CLSTN1: variants seen among roughly 807,000 people sequenced by gnomAD.
The protein encoded by CLSTN1 is calsyntenin 1.
Under a neutral mutation model 108.3 loss-of-function variants are expected in CLSTN1, and 28 were observed. That is an observed-to-expected ratio of 0.26 (90% confidence interval 0.19 to 0.35). The LOEUF (loss-of-function observed/expected upper bound fraction) is 0.35, where lower values mean the gene tolerates loss of function less well. CLSTN1 is among the 10% of genes least tolerant of loss of function. The probability of loss-of-function intolerance (pLI) is 1.00; values close to 1 mark genes in which losing one functional copy is unlikely to be tolerated. For synonymous variants in CLSTN1, 524 were observed against 534.9 expected, an observed-to-expected ratio of 0.98 and a Z score of 0.28; for missense variants, 1,157 against 1,302.6, an observed-to-expected ratio of 0.89 and a Z score of 1.72.
chr1:9,771,374 G>GTAATTACAGCACTTAAGCCT (rs1652665200), intron 2 of CLSTN1, among the ~76,000 whole-genome samples: 1 of 152,140 alleles, frequency 6.6e-6, no homozygotes, highest in Non-Finnish European at 1.5e-5. Flanking sequence ...CCAGCACTTT[G>GTAATTACAGCACTTAAGCCT]GGAGGCCAAG....
chr1:9,766,716 C>CA (rs1188299449), intron 2 of CLSTN1, among the ~76,000 whole-genome samples: 2 of 152,184 alleles, frequency 1.3e-5, no homozygotes, highest in Non-Finnish European at 2.9e-5. Context: ...CATGACTACT[C>CA]AGGCTTTCAG....
chr1:9,735,772 T>C (rs567681027), intron 12 of CLSTN1, 113 bp downstream of exon 12: 3 of 1,505,692 alleles, frequency 2.0e-6, no homozygotes, highest in East Asian at 4.5e-5. Context: ...ACAACTCTTT[T>C]ACCCAACAGT....
intron 1 of CLSTN1, among the ~76,000 whole-genome samples, chr1:9,792,326 G>A (rs1653806693): frequency 6.6e-6 from 1 of 151,444 alleles, no homozygotes; most frequent in African/African-American, 2.4e-5. Context: ...CATATGCCAT[G>A]GCTGGCAGTC....
intron 10 of CLSTN1, among the ~76,000 whole-genome samples, chr1:9,739,635 G>C (rs544523075): frequency 7.5e-4 from 114 of 152,046 alleles, no homozygotes; most frequent in African/African-American, 2.7e-3. Flanking sequence ...CTTGAGCCCA[G>C]GAGTTTGAGA....
rs749460579 is a variant in CLSTN1, at chr1:9,737,509, A to G, written c.1565T>C (p.Val522Ala). Residue 522 changes from valine (V) to alanine (A), a missense_variant, in exon 11 of 19, where the codon GTG becomes GCG. Coordinates refer to ENST00000377298, the MANE Select transcript of CLSTN1 (RefSeq NM_001009566.3). The stretch of plus-strand genomic sequence containing the variant: ...AAAAATCCAGCAACCTGCAGAGGCC[A>G]CAGTCACAGGCTCAGTTTCATTGTC... ...ENDNETEPVT[V>A]ASAGGDLHMT... 6.2e-7 allele frequency: 1 copy of G among 1,614,018 alleles called. No individual in the cohort carries two copies. The highest frequency in any genetic ancestry group is 1.1e-5 in the South Asian group (1 of 91,080).
intron 1 of CLSTN1, among the ~76,000 whole-genome samples, chr1:9,792,842 CT>C (rs1172123574): frequency 1.2e-4 from 18 of 151,268 alleles, no homozygotes; most frequent in Non-Finnish European, 2.5e-4. Flanking sequence ...TCAGGAGCAG[CT>C]GTTCATGTGT....
chr1:9,797,319 T>A (rs1029383584), intron 1 of CLSTN1, among the ~76,000 whole-genome samples: 4 of 150,228 alleles, frequency 2.7e-5, no homozygotes, highest in Non-Finnish European at 1.5e-5. Context: ...GAAGGGGAAG[T>A]GGGGGAGGGA....
rs367716541 is a variant in CLSTN1, at chr1:9,734,908, G to A, written c.2110+40C>T. On this transcript the variant is annotated intron_variant, in intron 14 of 18. Coordinates refer to ENST00000377298, the MANE Select transcript of CLSTN1 (RefSeq NM_001009566.3). The surrounding 1 kb of genome is among the most constrained non-coding windows in gnomAD (Gnocchi z 4.8). Reference sequence around the variant, plus strand: ...AGTACATGGGGACAATGGGGTTTCCGGCCGAGGCGAGGGAGCCCGCGCCCC... The same window carrying A: ...AGTACATGGGGACAATGGGGTTTCCAGCCGAGGCGAGGGAGCCCGCGCCCC... 15 of 1,560,678 alleles carry A rather than the reference G, an allele frequency of 9.6e-6. No homozygotes were observed. In the South Asian group the frequency reaches 1.2e-4, roughly 13 times the overall value.
At chr1:9,797,987 G>A (rs1284089686) in intron 1 of CLSTN1, among the ~76,000 whole-genome samples, 1 of 151,684 alleles carries the variant, frequency 6.6e-6, no homozygotes, top group Non-Finnish European at 1.5e-5. Flanking sequence ...CCAGCTACTC[G>A]GGAGGCTGAG....
chr1:9,766,834 C>T (rs976497575), intron 2 of CLSTN1, among the ~76,000 whole-genome samples: 7 of 152,180 alleles, frequency 4.6e-5, no homozygotes, highest in South Asian at 2.1e-4. Flanking sequence ...GGAAACAATC[C>T]GGGCGAGACT....
chr1:9,815,618 C>A (rs1285583499), intron 1 of CLSTN1, among the ~76,000 whole-genome samples: 1 of 152,148 alleles, frequency 6.6e-6, no homozygotes, highest in East Asian at 1.9e-4. Flanking sequence ...CCACTTTGTA[C>A]AACCAACTGG....
At chr1:9,788,622 C>T (rs1329586405) in intron 1 of CLSTN1, among the ~76,000 whole-genome samples, 2 of 150,896 alleles carry the variant, frequency 1.3e-5, no homozygotes, top group Non-Finnish European at 2.9e-5. Flanking sequence ...AATCCCAGCA[C>T]TTTGGGAGGC....
At chr1:9,796,295 C>CAA (rs1326877388) in intron 1 of CLSTN1, among the ~76,000 whole-genome samples, 13 of 121,954 alleles carry the variant, frequency 1.1e-4, no homozygotes, top group Admixed American at 1.7e-4. Context: ...CAAAACAAAA[C>CAA]AAAAAAAAAA....
Position 9,749,854 on chromosome 1 carries a change from C to A in CLSTN1, c.709G>T (p.Val237Phe). Residue 237 changes from valine (V) to phenylalanine (F), a missense_variant, in exon 6 of 19, where the codon GTC becomes TTC. Transcript: ENST00000377298. ...TTCTTCCCACAGTCATAGGCAGTGA[C>A]GGTCAGCTTATATTGATGTTCTTTC... ...YGKEHQYKLT[V>F]TAYDCGKKRA... 6.2e-7 allele frequency: 1 copy of A among 1,613,810 alleles called. No individual in the cohort carries two copies. Among genetic ancestry groups the A allele is most frequent in the East Asian group, 2.2e-5 (1 of 44,886 alleles).
chr1:9,730,261 C>G lies in CLSTN1; in HGVS notation c.*247G>C, dbSNP rs1650278023. 1.8e-6 allele frequency: 1 copy of G among 571,390 alleles called. No homozygotes were observed. 35.4% of individuals were successfully genotyped at this position (571,390 alleles called of 1,614,324 possible). A position where few individuals can be genotyped will look rare whatever the true frequency, so the allele number is the denominator to read the frequency against. On this transcript the variant is annotated 3_prime_UTR_variant, in exon 19 of 19. Transcript: ENST00000377298. The surrounding 1 kb of genome is among the most constrained non-coding windows in gnomAD (Gnocchi z 5.6). ...GCGGGGCCTGAGGCGCTGGGAGGCC[C>G]CTGTGCGAGCCGGATGGCGGCCAGA...
chr1:9,815,728 G>A (rs1654942487), intron 1 of CLSTN1, among the ~76,000 whole-genome samples: 1 of 152,174 alleles, frequency 6.6e-6, no homozygotes. Flanking sequence ...TTGAGGTCAG[G>A]AGTTGGAGAC....
intron 1 of CLSTN1, among the ~76,000 whole-genome samples, chr1:9,775,151 C>T (rs1444865783): frequency 2.0e-5 from 3 of 152,080 alleles, no homozygotes; most frequent in Non-Finnish European, 4.4e-5. Flanking sequence ...GTCTTTGTGA[C>T]CTGTGTCTTG....
chr1:9,785,410 C>A (rs1169765089), intron 1 of CLSTN1, among the ~76,000 whole-genome samples: 2 of 152,012 alleles, frequency 1.3e-5, no homozygotes, highest in African/African-American at 4.8e-5. Flanking sequence ...TCATCAGAAT[C>A]CCAAACAAAC....
intron 7 of CLSTN1, among the ~76,000 whole-genome samples, chr1:9,745,765 GTTTTTT>G (rs778360021): frequency 4.0e-5 from 4 of 100,906 alleles, no homozygotes; most frequent in Admixed American, 1.2e-4. Flanking sequence ...CTGAATAGTT[GTTTTTT>G]TTTTTTTTTT....
Sources: gnomAD v4.1 joint callset for allele counts (sites outside exome capture counted in the v4.1 genomes callset) on GRCh38, gnomAD v4.1.1 for gene constraint, Gnocchi (gnomAD v3.1) non-coding constraint, MANE v1.5 for transcripts, NCBI Gene and HGNC (gene_info 2026-07-23, HGNC 2026-07-21) for gene names.